The following RBL2 variants were observed in gnomAD, a reference collection of about 807,000 sequenced individuals.
The protein encoded by RBL2 is RB transcriptional corepressor like 2, also known as retinoblastoma-like protein 2.
Under a neutral mutation model 126.0 loss-of-function variants are expected in RBL2, and 56 were observed. The ratio of observed to expected loss-of-function variants is 0.44; its 90% CI spans 0.36 to 0.56. The LOEUF is 0.56. Among genes scored for constraint, RBL2 ranks in the 20% least tolerant of loss-of-function variants. The pLI is 0.00. For synonymous variants in RBL2, 454 were observed against 478.5 expected (o/e 0.95, Z 0.67); for missense variants, 1,229 against 1,398.2 (o/e 0.88, Z 1.93).
chr16:53,457,477 TC>T (rs2058181043), intron 8 of RBL2, among the ~76,000 whole-genome samples: 1 of 151,864 alleles, frequency 6.6e-6, no homozygotes, highest in African/African-American at 2.4e-5. Flanking sequence ...GCTAGTCTGG[TC>T]TTGAACTCCT....
At chr16:53,489,914 T>TA in intron 21 of RBL2, 1 of 364,376 alleles carries the variant, frequency 2.7e-6, no homozygotes, top group East Asian at 4.0e-5. Context: ...AAGAGCTTGT[T>TA]AAAAATAGAA....
chr16:53,450,342 G>A (rs2058103570), intron 4 of RBL2, among the ~76,000 whole-genome samples: 1 of 152,130 alleles, frequency 6.6e-6, no homozygotes, highest in South Asian at 2.1e-4. Context: ...AAACAAAGCT[G>A]CAGGTGTGTG....
At chr16:53,476,537 CTTG>C (rs1960732792) in intron 17 of RBL2, among the ~76,000 whole-genome samples, 1 of 152,104 alleles carries the variant, frequency 6.6e-6, no homozygotes, top group African/African-American at 2.4e-5. Context: ...GTTTTGTTTC[CTTG>C]TTGATCTGCC....
intron 3 of RBL2, among the ~76,000 whole-genome samples, chr16:53,445,429 A>G (rs1567727637): frequency 6.6e-6 from 1 of 152,086 alleles, no homozygotes; most frequent in Non-Finnish European, 1.5e-5. Context: ...GTCATAATGT[A>G]TAGCACTTAC....
chr16:53,470,741 C>T lies in RBL2; in HGVS notation c.2527-5C>T, dbSNP rs1219459923. 1.9e-6 allele frequency: 3 copies of T among 1,613,562 alleles called. No homozygotes were observed. The East Asian group carries it at 6.7e-5, about 36-fold the overall frequency. Reference sequence around the variant, plus strand: ...AACAAAGTTTGAAATGTTTTTATCTCCTAGGTATACCATTTAGCAGCTGTC... The same window carrying T: ...AACAAAGTTTGAAATGTTTTTATCTTCTAGGTATACCATTTAGCAGCTGTC... On this transcript the variant is annotated splice_polypyrimidine_tract_variant and splice_region_variant and intron_variant, in intron 16 of 21. Transcript: ENST00000262133.
In RBL2 at chr16:53,481,685, ACTCT is replaced by A. The variant is rs1297654126; in HGVS notation, c.3103_3106del (p.Ser1035ProfsTer5). ...TTTTTAAACAGATGGATGCTCCTCC[ACTCT>A]CTCCCTATCCATTTGTAAGAACAGG... On this transcript the variant is annotated frameshift_variant, in exon 21 of 22. Coordinates refer to ENST00000262133, the MANE Select transcript of RBL2 (RefSeq NM_005611.4). LOFTEE classifies it high-confidence loss of function. 6.2e-7 allele frequency: 1 copy of A among 1,610,246 alleles called. No homozygotes were observed. Among genetic ancestry groups the A allele is most frequent in the African/African-American group, 1.3e-5 (1 of 74,522 alleles).
chr16:53,445,743 A>G (rs2058056590), intron 3 of RBL2: 1 of 152,214 alleles, frequency 6.6e-6, no homozygotes, highest in African/African-American at 2.4e-5. Flanking sequence ...GGACACAGGC[A>G]TTTTTTAAAA....
In RBL2 at chr16:53,479,895, A is replaced by T; in HGVS notation, c.2785A>T (p.Ser929Cys). The T allele has an allele frequency of 6.3e-7, 1 of 1,597,768 alleles. No homozygotes were observed. The highest frequency in any genetic ancestry group is 8.6e-7 in the Non-Finnish European group (1 of 1,166,918). ...CATTGTTTCTCTAAAGGTGTATAGAAGTGTTTTGATAAAAGGGAAAAGAAA... is the reference window on the plus strand; with the variant it reads ...CATTGTTTCTCTAAAGGTGTATAGATGTGTTTTGATAAAAGGGAAAAGAAA... ...QPQARSQVYR[S>C]VLIKGKRKRR... Residue 929 changes from serine to cysteine, a missense_variant, in exon 19 of 22, where the codon AGT becomes TGT. Physicochemically the swap from Ser to Cys is moderately radical, Grantham distance 112. Transcript: ENST00000262133.
intron 21 of RBL2, among the ~76,000 whole-genome samples, chr16:53,483,926 TAA>T (rs77395902): frequency 0.011 from 1,382 of 130,954 alleles, 9 homozygotes; most frequent in South Asian, 0.04. Context: ...CCTATCATAG[TAA>T]AAAAAAAAAA....
intron 21 of RBL2, among the ~76,000 whole-genome samples, chr16:53,482,540 T>G (rs1365039375): frequency 2.0e-5 from 3 of 152,248 alleles, no homozygotes; most frequent in African/African-American, 7.2e-5. Context: ...CTGGGCGTTG[T>G]GGCTCACACC....
intron 11 of RBL2, among the ~76,000 whole-genome samples, chr16:53,463,217 G>A (rs2058239601): frequency 6.6e-6 from 1 of 152,170 alleles, no homozygotes; most frequent in Non-Finnish European, 1.5e-5. Context: ...AAAATTATAA[G>A]CAAAAAGAAC....
chr16:53,456,837 C>A (rs558412068), intron 8 of RBL2, among the ~76,000 whole-genome samples: 109 of 152,306 alleles, frequency 7.2e-4, no homozygotes, highest in African/African-American at 2.5e-3. Context: ...ACCACAACAT[C>A]CTCCCCAACC....
At chr16:53,464,186 C>T in intron 11 of RBL2, 40 bp from the exon 12 acceptor site, 1 of 1,433,718 alleles carries the variant, frequency 7.0e-7, no homozygotes, top group Non-Finnish European at 9.3e-7. Flanking sequence ...ACTTTTTAGA[C>T]TAAGTAAATG....
chr16:53,474,691 T>A (rs1054633047), intron 17 of RBL2, among the ~76,000 whole-genome samples: 4 of 152,130 alleles, frequency 2.6e-5, no homozygotes, highest in Non-Finnish European at 4.4e-5. Flanking sequence ...TTAAAAAAAA[T>A]ATTTATTTTT....
chr16:53,471,887 A>T (rs542227387), intron 17 of RBL2, among the ~76,000 whole-genome samples: 1 of 152,364 alleles, frequency 6.6e-6, no homozygotes, highest in Admixed American at 6.5e-5. Context: ...CCGTACCTGC[A>T]AAGTAAAACT....
rs1960911333 is a variant in RBL2, at chr16:53,480,739, G to C, written c.3054G>C (p.Lys1018Asn). Reference protein sequence around the residue: ...FYNNIYIKQIKTFAMKYSQAN... With the variant: ...FYNNIYIKQINTFAMKYSQAN... ...ACAACATCTACATCAAACAGATTAA[G>C]ACATTTGCCATGAAGTACTCACAGG... is the stretch of plus-strand genomic sequence containing the variant. Residue 1018 changes from lysine to asparagine, a missense_variant, in exon 20 of 22, where the codon AAG (lysine) becomes AAC (asparagine). Lys to Asn is a moderately conservative substitution (Grantham distance 94). Around this residue, in one of 2 missense-constraint regions of RBL2, gnomAD observed 1,070 missense variants for 1,274.3 expected, o/e 0.84. Transcript: ENST00000262133. 1 of 1,613,118 alleles carries C rather than the reference G, an allele frequency of 6.2e-7. No homozygotes were observed. Among genetic ancestry groups the C allele is most frequent in the African/African-American group, 1.3e-5 (1 of 74,998 alleles).
In RBL2 at chr16:53,467,087, A is replaced by C; in HGVS notation, c.1893A>C (p.Ala631=). Residue 631 remains alanine (A), a synonymous_variant, in exon 14 of 22, where the codon GCA becomes GCC. Transcript: ENST00000262133. ...TGCCACCTCAGAACCTGGAAAGGGCAGATGAAATTTGCATTGCTGGCTCCC... is the reference window on the plus strand; with the variant it reads ...TGCCACCTCAGAACCTGGAAAGGGCCGATGAAATTTGCATTGCTGGCTCCC... ...EVMPPQNLER[A]DEICIAGSPL... is the part of the protein sequence containing the mutation. 6.2e-7 allele frequency: 1 copy of C among 1,614,094 alleles called. No individual in the cohort carries two copies. The highest frequency in any genetic ancestry group is 8.5e-7 in the Non-Finnish European group (1 of 1,179,964).
At chr16:53,451,999 T>C (rs972060336) in intron 5 of RBL2, among the ~76,000 whole-genome samples, 168 bp downstream of exon 5, 1 of 152,194 alleles carries the variant, frequency 6.6e-6, no homozygotes, top group African/African-American at 2.4e-5. Context: ...TATTTTTGGA[T>C]AAACAGTTGC....
At position 53,479,208 on chromosome 16, in the gene RBL2, C is replaced by T. The variant is rs1233081453; in HGVS notation, c.2758C>T (p.Pro920Ser). 10 of 1,613,598 alleles carry T rather than the reference C, an allele frequency of 6.2e-6. No homozygotes were observed. Among genetic ancestry groups the T allele is most frequent in the African/African-American group, 1.3e-5 (1 of 74,918 alleles). ...CATTATGCGTTGTTATAGGACTCAG[C>T]CGCAGGCCCGGAGCCAGGTAACTAC... ...QNIMRCYRTQ[P>S]QARSQVYRSV... The change falls in exon 18 of 22, where the codon CCG (proline) becomes TCG (serine). Residue 920 changes from proline (P) to serine (S), a missense_variant. Pro to Ser is a moderately conservative substitution (Grantham distance 74). Transcript: ENST00000262133.
Sources: gnomAD v4.1 joint callset for allele counts (sites outside exome capture counted in the v4.1 genomes callset) on GRCh38, gnomAD v4.1.1 for gene constraint, gnomAD v4.1.1 regional missense constraint, MANE v1.5 for transcripts, NCBI Gene and HGNC (gene_info 2026-07-23, HGNC 2026-07-21) for gene names.